The following LDB2 variants were observed in gnomAD, a reference collection of about 807,000 sequenced individuals.
The protein encoded by LDB2 is LIM domain binding 2.
In LDB2, 12 loss-of-function variants were observed where a neutral mutation model predicts 44.3. The ratio of observed to expected loss-of-function variants is 0.27; its 90% CI spans 0.17 to 0.44. The LOEUF is 0.44. LDB2 is among the 20% of genes least tolerant of loss of function. LDB2 has a pLI of 1.00. For missense variants in LDB2, 344 were observed against 473.5 expected, an observed-to-expected ratio of 0.73 and a Z score of 2.54; for synonymous variants, 164 against 174.8, an observed-to-expected ratio of 0.94 and a Z score of 0.49.
intron 1 of LDB2, among the ~76,000 whole-genome samples, chr4:16,866,675 G>A (rs1194416602): frequency 6.6e-6 from 1 of 152,060 alleles, no homozygotes; most frequent in African/African-American, 2.4e-5. Flanking sequence ...AAAGGGAGCT[G>A]GACATAGGGA....
At chr4:16,553,377 G>A (rs780059397) in intron 5 of LDB2, among the ~76,000 whole-genome samples, 1 of 151,964 alleles carries the variant, frequency 6.6e-6, no homozygotes, top group African/African-American at 2.4e-5. Context: ...GCCCAGGCTT[G>A]TCTTGAACTC....
intron 2 of LDB2, among the ~76,000 whole-genome samples, chr4:16,622,595 A>G (rs1729195269): frequency 6.6e-6 from 1 of 152,216 alleles, no homozygotes; most frequent in South Asian, 2.1e-4. Context: ...TCCTCTGCAG[A>G]TAGAAACTAT....
At chr4:16,659,102 G>A (rs887294338) in intron 2 of LDB2, among the ~76,000 whole-genome samples, 1 of 152,212 alleles carries the variant, frequency 6.6e-6, no homozygotes, top group Non-Finnish European at 1.5e-5. Flanking sequence ...CCTGGGGAAT[G>A]TTCTCCAAAG....
rs141532235 is a variant in LDB2 at position 16,827,395 on chromosome 4, G to A, written c.133-68135C>T. 1.1e-3 allele frequency among the ~76,000 whole-genome samples: 162 copies of A among 151,990 alleles called. 1 individual carries two copies. Among genetic ancestry groups the A allele is most frequent in the African/African-American group, 3.8e-3 (156 of 41,470 alleles). On this transcript the variant is annotated intron_variant, in intron 1 of 7. Transcript: ENST00000304523. ...TCTGAAAAGATGCTACTCTTTTTTT[G>A]CTCTTAAACGTATTCAGAATTTTCC...
At position 16,574,433 on chromosome 4, in the gene LDB2, C is replaced by T. The variant is rs1253567259; in HGVS notation, c.615+11489G>A. On this transcript the variant is annotated intron_variant, in intron 5 of 7. Coordinates refer to ENST00000304523, the MANE Select transcript of LDB2 (RefSeq NM_001290.5). ...TGGCAGACATCATCAATCAGTCACT[C>T]CTTCTCTTCTTTCTGATCTTGCCTG... Among the ~76,000 whole-genome samples, 3 of 152,168 alleles carry T rather than the reference C, an allele frequency of 2.0e-5. No individual in the cohort carries two copies. In the East Asian group the frequency reaches 5.8e-4, roughly 29 times the overall value.
At chr4:16,757,376 G>T (rs566758965) in intron 2 of LDB2, among the ~76,000 whole-genome samples, 1 of 152,270 alleles carries the variant, frequency 6.6e-6, no homozygotes, top group South Asian at 2.1e-4. Context: ...AAAGAGGCCT[G>T]GGCAACAATG....
chr4:16,623,199 G>C (rs1417204143), intron 2 of LDB2, among the ~76,000 whole-genome samples: 2 of 152,158 alleles, frequency 1.3e-5, no homozygotes, highest in Non-Finnish European at 2.9e-5. Flanking sequence ...TTGAGAGTAA[G>C]TAGAGAAAGC....
intron 2 of LDB2, among the ~76,000 whole-genome samples, chr4:16,695,001 T>C (rs1560908203): frequency 6.6e-6 from 1 of 152,252 alleles, no homozygotes; most frequent in Non-Finnish European, 1.5e-5. Context: ...TTCCTTCTTA[T>C]CTGTCTTTCC....
chr4:16,556,492 T>G (rs557079528), intron 5 of LDB2, among the ~76,000 whole-genome samples: 25 of 152,282 alleles, frequency 1.6e-4, no homozygotes, highest in African/African-American at 5.5e-4. Flanking sequence ...TGATATTCCT[T>G]GGACTTCATC....
At chr4:16,895,733 C>T (rs1177018237) in intron 1 of LDB2, among the ~76,000 whole-genome samples, 1 of 152,122 alleles carries the variant, frequency 6.6e-6, no homozygotes, top group Non-Finnish European at 1.5e-5. Flanking sequence ...TTTGATTTTG[C>T]ATGTGAATAA....
At chr4:16,806,827 G>A (rs909523919) in intron 1 of LDB2, among the ~76,000 whole-genome samples, 1 of 152,102 alleles carries the variant, frequency 6.6e-6, no homozygotes, top group Non-Finnish European at 1.5e-5. Context: ...GTGTCACTGA[G>A]GGCAAGCTAC....
At chr4:16,662,619 A>T (rs1338811246) in intron 2 of LDB2, among the ~76,000 whole-genome samples, 1 of 151,998 alleles carries the variant, frequency 6.6e-6, no homozygotes, top group African/African-American at 2.4e-5. Flanking sequence ...GTGGGATGTA[A>T]TTGAATCGTG....
Position 16,582,623 on chromosome 4 carries a change from A to C in LDB2, c.615+3299T>G, listed in dbSNP as rs949034575. The stretch of plus-strand genomic sequence containing the variant: ...ACCCGGTATCGGAATACCCAACAGC[A>C]ACAAAATAATGACTTCCCCATCCTG... On this transcript the variant is annotated intron_variant, in intron 5 of 7. Transcript: ENST00000304523. This position sits in a 1 kb window ranked among gnomAD's most constrained non-coding sequence, Gnocchi z 4.8. Among the ~76,000 whole-genome samples the C allele has an allele frequency of 6.6e-6, 1 of 152,140 alleles. No individual in the cohort carries two copies. Among genetic ancestry groups the C allele is most frequent in the Non-Finnish European group, 1.5e-5 (1 of 68,022 alleles).
chr4:16,662,927 A>C (rs570917005), intron 2 of LDB2, among the ~76,000 whole-genome samples: 1 of 152,172 alleles, frequency 6.6e-6, no homozygotes, highest in South Asian at 2.1e-4. Context: ...TTCCTTGAAA[A>C]ATAGAATCAT....
intron 1 of LDB2, among the ~76,000 whole-genome samples, chr4:16,850,382 T>G (rs1787960115): frequency 6.6e-6 from 1 of 152,168 alleles, no homozygotes; most frequent in Non-Finnish European, 1.5e-5. Flanking sequence ...AAAAAAAATT[T>G]GATGGTTATA....
chr4:16,858,846 G>A (rs532129886), intron 1 of LDB2, among the ~76,000 whole-genome samples: 13 of 152,120 alleles, frequency 8.5e-5, no homozygotes, highest in African/African-American at 3.1e-4. Context: ...TTTCCGTATC[G>A]TTGCCCAAGT....
At chr4:16,852,973 G>T (rs948275773) in intron 1 of LDB2, among the ~76,000 whole-genome samples, 2 of 152,118 alleles carry the variant, frequency 1.3e-5, no homozygotes, top group African/African-American at 4.8e-5. Flanking sequence ...CTCTGTAACA[G>T]TTTAGGTAGG....
chr4:16,826,524 G>A (rs1021225163), intron 1 of LDB2: 1 of 152,164 alleles, frequency 6.6e-6, no homozygotes, highest in Non-Finnish European at 1.5e-5. Context: ...TGAATGGATG[G>A]ATTAAATTGT....
intron 5 of LDB2, among the ~76,000 whole-genome samples, chr4:16,535,865 G>A (rs756597713): frequency 1.3e-5 from 2 of 152,142 alleles, no homozygotes; most frequent in Non-Finnish European, 2.9e-5. Flanking sequence ...ATGGTCCCAA[G>A]TAAGAAGCAA....
Sources: gnomAD v4.1 joint callset for allele counts (sites outside exome capture counted in the v4.1 genomes callset) on GRCh38, gnomAD v4.1.1 for gene constraint, Gnocchi (gnomAD v3.1) non-coding constraint, MANE v1.5 for transcripts, NCBI Gene and HGNC (gene_info 2026-07-23, HGNC 2026-07-21) for gene names.